Variants in ITIH1 observed in about 807,000 individuals in gnomAD.
ITIH1 encodes inter-alpha-trypsin inhibitor heavy chain H1.
A neutral mutation model predicts 104.6 loss-of-function variants in ITIH1; 94 were observed. That is an observed-to-expected ratio of 0.90 (90% CI 0.76 to 1.07). The LOEUF is 1.07. Ranked by LOEUF, ITIH1 falls within the 50% of genes least tolerant of loss-of-function variation. ITIH1 has a pLI of 0.00. For synonymous variants in ITIH1, 455 were observed against 464.4 expected, an observed-to-expected ratio of 0.98 and a Z score of 0.26; for missense variants, 1,193 against 1,181.4, an observed-to-expected ratio of 1.01 and a Z score of -0.14.
chr3:52,786,860 GAATGAATGAATA>G (rs1164776941), intron 13 of ITIH1, 73 bp from the exon 14 acceptor site: 1 of 1,408,604 alleles, frequency 7.1e-7, no homozygotes, highest in African/African-American at 1.4e-5. Flanking sequence ...ATGAATGAAT[GAATGAATGAATA>G]AGTGAATGGA....
Position 52,779,902 on chromosome 3 carries a change from C to G in ITIH1, c.573+308C>G, listed in dbSNP as rs191387740. 9 of 1,381,200 alleles carry G rather than the reference C, an allele frequency of 6.5e-6. No individual in the cohort carries two copies. The highest frequency in any genetic ancestry group is 8.4e-6 in the Non-Finnish European group (9 of 1,066,738). 85.6% of individuals were successfully genotyped at this position (1,381,200 alleles called of 1,614,324 possible). ...GGTAATTTTGTAAACTAGAAAGTCC[C>G]GCGCAGCCTGAGGGCCTGGAATTAT... On this transcript the variant is annotated intron_variant, in intron 5 of 21. Transcript: ENST00000273283. The surrounding 1 kb of genome is among the most constrained non-coding windows in gnomAD (Gnocchi z 4.4).
Position 52,791,937 on chromosome 3 carries a change from C to G in ITIH1, c.*26C>G. 2 of 1,597,412 alleles carry G rather than the reference C, an allele frequency of 1.3e-6. No individual in the cohort carries two copies. The highest frequency in any genetic ancestry group is 1.7e-6 in the Non-Finnish European group (2 of 1,170,802). ...GCCCTCTGGCCAGCACGCCTGTCCT[C>G]CCCCGGGGCCAAGGCAGAGGAGGAG... On this transcript the variant is annotated 3_prime_UTR_variant, in exon 22 of 22. Transcript: ENST00000273283.
At chr3:52,791,189 C>T (rs942180534) in intron 20 of ITIH1, among the ~76,000 whole-genome samples, 1 of 152,116 alleles carries the variant, frequency 6.6e-6, no homozygotes, top group African/African-American at 2.4e-5. Flanking sequence ...TCCCAGGAAC[C>T]TTGTGAGTAG....
chr3:52,789,538 A>G (rs1699292330), intron 18 of ITIH1, 115 bp from the exon 19 acceptor site: 13 of 894,754 alleles, frequency 1.5e-5, no homozygotes, highest in Admixed American at 3.7e-5. Flanking sequence ...GGAGACTCTC[A>G]AAGACAGAGT....
chr3:52,786,123 G>T (rs1387960496), intron 12 of ITIH1, among the ~76,000 whole-genome samples, 172 bp from the exon 13 acceptor site: 3 of 152,178 alleles, frequency 2.0e-5, no homozygotes, highest in Non-Finnish European at 4.4e-5. Flanking sequence ...GCTTGCAGAG[G>T]GTGCTTGGCA....
At chr3:52,783,178 G>A (rs766874372) in intron 9 of ITIH1, 36 bp from the exon 10 acceptor site, 5 of 1,614,012 alleles carry the variant, frequency 3.1e-6, no homozygotes, top group African/African-American at 2.7e-5. Context: ...CCCTCAGAAT[G>A]AGGGCATACA....
At position 52,779,603 on chromosome 3, in the gene ITIH1, C is replaced by G. The variant is rs2154108162; in HGVS notation, c.573+9C>G. Reference sequence around the variant, plus strand: ...TGGTGCATCATTTTGAGGTAGATCACAGGTCCCGGGGCAGGGGTCCTGCCC... The same window carrying G: ...TGGTGCATCATTTTGAGGTAGATCAGAGGTCCCGGGGCAGGGGTCCTGCCC... On this transcript the variant is annotated intron_variant, in intron 5 of 21. Transcript: ENST00000273283. The surrounding 1 kb of genome is among the most constrained non-coding windows in gnomAD (Gnocchi z 4.4). 1 of 1,614,096 alleles carries G rather than the reference C, an allele frequency of 6.2e-7. No individual in the cohort carries two copies. The highest frequency in any genetic ancestry group is 2.2e-5 in the East Asian group (1 of 44,872).
At position 52,785,154 on chromosome 3, in the gene ITIH1, C is replaced by T. The variant is rs746978182; in HGVS notation, c.1518C>T (p.Gly506=). The T allele has an allele frequency of 1.2e-6, 2 of 1,614,152 alleles. No homozygotes were observed. Among genetic ancestry groups the T allele is most frequent in the South Asian group, 2.2e-5 (2 of 91,084 alleles). The part of the protein sequence containing the change: ...TQNHHKQYYE[G]SEIVVAGRIA... The stretch of plus-strand genomic sequence containing the variant: ...ACCACCATAAACAGTACTACGAAGG[C>T]TCAGAGATTGTGGTGGCCGGGCGCA... Residue 506 remains glycine (G), a synonymous_variant, in exon 12 of 22, where the codon GGC becomes GGT. Coordinates refer to ENST00000273283, the MANE Select transcript of ITIH1 (RefSeq NM_002215.4).
intron 6 of ITIH1, 100 bp from the exon 7 acceptor site, chr3:52,781,838 AAC>A (rs112607770): frequency 0.046 from 52,746 of 1,155,932 alleles, no homozygotes; most frequent in South Asian, 0.057. Flanking sequence ...TGTCCGTGCA[AAC>A]ACACACACAC....
chr3:52,778,199 A>C, intron 2 of ITIH1, 141 bp from the exon 3 acceptor site: 2 of 1,098,072 alleles, frequency 1.8e-6, no homozygotes, highest in South Asian at 2.7e-5. Flanking sequence ...TCAGCCAGAG[A>C]GCAGGGGTCT....
At chr3:52,780,248 T>C (rs758431387) in intron 5 of ITIH1, 21 bp from the exon 6 acceptor site, 9 of 1,557,140 alleles carry the variant, frequency 5.8e-6, no homozygotes, top group Non-Finnish European at 6.2e-6. Flanking sequence ...TTTAAAAAAA[T>C]AATTTGCTTC....
At chr3:52,778,834 G>A (rs970268147) in intron 3 of ITIH1, 108 bp from the exon 4 acceptor site, 71 of 1,065,526 alleles carry the variant, frequency 6.7e-5, no homozygotes, top group Non-Finnish European at 9.7e-5. Flanking sequence ...GGCAGTGGAA[G>A]GCTCGTCAGG....
chr3:52,783,615 T>G (rs926225351), intron 10 of ITIH1, among the ~76,000 whole-genome samples: 1 of 152,298 alleles, frequency 6.6e-6, no homozygotes, highest in East Asian at 1.9e-4. Flanking sequence ...ATGCTTCTGT[T>G]CACAGTTTAA....
At position 52,791,500 on chromosome 3, in the gene ITIH1, C is replaced by T. The variant is rs766077140; in HGVS notation, c.2495-17C>T. On this transcript the variant is annotated splice_polypyrimidine_tract_variant and intron_variant, in intron 20 of 21. Transcript: ENST00000273283. ...GTCCCCGAGATGGTAACCGCTGTCT[C>T]CAATGTGCCTTTCTAGGGCAATTTT... 1.2e-6 allele frequency: 2 copies of T among 1,603,298 alleles called. No individual in the cohort carries two copies. The highest frequency in any genetic ancestry group is 1.7e-5 in the Admixed American group (1 of 59,996).
rs769602519 is a variant in ITIH1, at chr3:52,787,114, G to C, written c.1888+15G>C. ...GCCCTCAGAGGGTATAGGCTGCAGG[G>C]GTCTACAGAAGGGAGAGGCCATGGG... On this transcript the variant is annotated intron_variant, in intron 14 of 21. Transcript: ENST00000273283. 1 of 1,614,060 alleles carries C rather than the reference G, an allele frequency of 6.2e-7. No homozygotes were observed. The highest frequency in any genetic ancestry group is 1.3e-5 in the African/African-American group (1 of 74,930).
Position 52,786,388 on chromosome 3 carries a change from G to A in ITIH1, c.1687G>A (p.Glu563Lys), listed in dbSNP as rs776980256. ...TGGCCACATGCTGGAGAACCACGTC[G>A]AGCGCCTCTGGGCCTACCTCACCAT... ...ERGHMLENHV[E>K]RLWAYLTIQE... is the part of the protein sequence containing the mutation. The change falls in exon 13 of 22, where the codon GAG becomes AAG. Residue 563 changes from glutamate (E) to lysine (K), a missense_variant. Glu to Lys is a moderately conservative substitution (Grantham distance 56, BLOSUM62 1). Transcript: ENST00000273283. 9.5e-6 allele frequency: 15 copies of A among 1,585,776 alleles called. No homozygotes were observed. The highest frequency in any genetic ancestry group is 3.3e-4 in the Middle Eastern group (2 of 6,022).
At chr3:52,790,451 C>T (rs1699323925) in intron 19 of ITIH1, 6 of 355,684 alleles carry the variant, frequency 1.7e-5, no homozygotes, top group Admixed American at 9.7e-5. Flanking sequence ...CACTGCTTAC[C>T]AGCTGTGCTA....
At chr3:52,778,137 T>C in intron 2 of ITIH1, 120 bp downstream of exon 2, 1 of 1,259,428 alleles carries the variant, frequency 7.9e-7, no homozygotes, top group Non-Finnish European at 1.2e-6. Flanking sequence ...CTCTCCAGGG[T>C]CCTAGAAATG....
At chr3:52,786,481 T>C in intron 13 of ITIH1, 47 bp downstream of exon 13, 2 of 1,538,218 alleles carry the variant, frequency 1.3e-6, no homozygotes, top group Non-Finnish European at 1.8e-6. Flanking sequence ...CACCCCAGAG[T>C]CCCCCCACCC....
Sources: allele counts gnomAD v4.1 joint callset (sites outside exome capture counted in the v4.1 genomes callset), GRCh38; gene constraint gnomAD v4.1.1; non-coding constraint Gnocchi (gnomAD v3.1); transcripts MANE v1.5; gene names NCBI Gene and HGNC (gene_info 2026-07-23, HGNC 2026-07-21).